TMEM156: variants seen among roughly 807,000 people sequenced by gnomAD.
The protein encoded by TMEM156 is transmembrane protein 156.
A neutral mutation model predicts 30.5 loss-of-function variants in TMEM156; 28 were observed. The observed-to-expected ratio is 0.92, with a 90% confidence interval of 0.68 to 1.26. The LOEUF (loss-of-function observed/expected upper bound fraction) is 1.26. TMEM156 is among the 50% of genes most tolerant of loss of function. TMEM156 has a pLI of 0.00. For missense variants in TMEM156, 351 were observed against 340.6 expected (o/e 1.03, Z -0.24); for synonymous variants, 137 against 119.9 (o/e 1.14, Z -0.93).
rs1444418204 is a variant in TMEM156, at chr4:39,029,468, T to C, written c.88+2758A>G. Among the ~76,000 whole-genome samples, 8 of 70,600 alleles carry C rather than the reference T, an allele frequency of 1.1e-4. 2 individuals carry two copies. In the Admixed American group the frequency reaches 1.2e-3, roughly 11 times the overall value. 46.3% of individuals were successfully genotyped at this position (70,600 alleles called of 152,430 possible). Reference sequence around the variant, plus strand: ...CTATTATTGTGATTAAGAACTAATTTTTTTGGGAGGCCGAGGCGGGCGGAT... The same window carrying C: ...CTATTATTGTGATTAAGAACTAATTCTTTTGGGAGGCCGAGGCGGGCGGAT... On this transcript the variant is annotated intron_variant, in intron 1 of 6. Transcript: ENST00000381938.
intron 1 of TMEM156, among the ~76,000 whole-genome samples, chr4:39,021,848 T>C (rs1382188632): frequency 6.6e-6 from 1 of 152,244 alleles, no homozygotes; most frequent in Non-Finnish European, 1.5e-5. Context: ...CTTCTGTGCT[T>C]ACTCATACTT....
chr4:39,011,287 A>G (rs1271688716), intron 1 of TMEM156, among the ~76,000 whole-genome samples: 2 of 152,250 alleles, frequency 1.3e-5, no homozygotes, highest in African/African-American at 4.8e-5. Flanking sequence ...GGAAGTTTAT[A>G]TGCTGTTAGT....
At chr4:38,979,253 T>C (rs2109884949) in intron 5 of TMEM156, among the ~76,000 whole-genome samples, 1 of 152,344 alleles carries the variant, frequency 6.6e-6, no homozygotes, top group East Asian at 1.9e-4. Context: ...CTGTGCAGCC[T>C]TGTGGGCAGC....
Position 38,974,570 on chromosome 4 carries a change from C to A in TMEM156, c.824-3433G>T, listed in dbSNP as rs572938653. Reference sequence around the variant, plus strand: ...AGGACAATTAACACATTTTCTATTTCTTCCATGACAATTTAGATTTTCTAA... The same window carrying A: ...AGGACAATTAACACATTTTCTATTTATTCCATGACAATTTAGATTTTCTAA... On this transcript the variant is annotated intron_variant, in intron 5 of 6. Coordinates refer to ENST00000381938, the MANE Select transcript of TMEM156 (RefSeq NM_024943.3). 5.9e-5 allele frequency among the ~76,000 whole-genome samples: 9 copies of A among 152,136 alleles called. No homozygotes were observed. The South Asian group carries it at 1.9e-3, about 32-fold the overall frequency.
At chr4:38,994,873 C>A (rs11096968) in intron 2 of TMEM156, among the ~76,000 whole-genome samples, 2 of 151,670 alleles carry the variant, frequency 1.3e-5, no homozygotes, top group African/African-American at 4.8e-5. Context: ...GGGAGGCAGA[C>A]GTTGCAGTGG....
intron 1 of TMEM156, among the ~76,000 whole-genome samples, chr4:39,006,742 C>T (rs1185951231): frequency 6.6e-6 from 1 of 151,830 alleles, no homozygotes; most frequent in Admixed American, 6.6e-5. Flanking sequence ...CGTGGCAAAA[C>T]CCCATCTCTA....
rs554926680 is a variant in TMEM156, at chr4:38,986,504, C to A, written c.740-85G>T. The A allele has an allele frequency of 5.7e-6, 6 of 1,056,658 alleles. No individual in the cohort carries two copies. In the Admixed American group the frequency reaches 9.6e-5, roughly 17 times the overall value. 65.5% of individuals were successfully genotyped at this position (1,056,658 alleles called of 1,614,324 possible). ...TTCCCCATGTTGGTTCAAAGGATTA[C>A]CAAAAAGAATGGAGCCATTCATGGC... On this transcript the variant is annotated intron_variant, in intron 4 of 6. Coordinates refer to ENST00000381938, the MANE Select transcript of TMEM156 (RefSeq NM_024943.3).
intron 1 of TMEM156, among the ~76,000 whole-genome samples, chr4:39,010,593 G>A (rs955283857): frequency 4.6e-5 from 7 of 152,122 alleles, no homozygotes; most frequent in African/African-American, 1.7e-4. Context: ...CAACAGAATA[G>A]AGACCCCTGA....
intron 1 of TMEM156, among the ~76,000 whole-genome samples, chr4:39,015,427 C>T (rs1714410308): frequency 6.6e-6 from 1 of 152,116 alleles, no homozygotes; most frequent in African/African-American, 2.4e-5. Context: ...ATGAGAAAGA[C>T]TCAGCAGGCC....
At chr4:39,013,925 A>C (rs1714300928) in intron 1 of TMEM156, among the ~76,000 whole-genome samples, 1 of 152,274 alleles carries the variant, frequency 6.6e-6, no homozygotes, top group Non-Finnish European at 1.5e-5. Flanking sequence ...AGTTTCTATA[A>C]GGGGTCATTT....
intron 1 of TMEM156, among the ~76,000 whole-genome samples, chr4:39,011,143 A>C (rs1406901334): frequency 6.6e-6 from 1 of 152,250 alleles, no homozygotes; most frequent in Admixed American, 6.5e-5. Context: ...CAGCCAACAA[A>C]TATATTAAAA....
chr4:38,990,996 G>T (rs1712414357), intron 3 of TMEM156, among the ~76,000 whole-genome samples: 3 of 150,966 alleles, frequency 2.0e-5, no homozygotes, highest in Admixed American at 1.3e-4. Context: ...ACCATGCCCG[G>T]CTAATTTTTT....
At chr4:39,009,678 C>T (rs1278536760) in intron 1 of TMEM156, among the ~76,000 whole-genome samples, 1 of 152,076 alleles carries the variant, frequency 6.6e-6, no homozygotes, top group East Asian at 1.9e-4. Flanking sequence ...GCAGAAAAAG[C>T]ATTCAATAAA....
intron 2 of TMEM156, among the ~76,000 whole-genome samples, chr4:38,995,279 G>A (rs974853468): frequency 6.6e-6 from 1 of 152,136 alleles, no homozygotes; most frequent in South Asian, 2.1e-4. Flanking sequence ...CTGAGGTATC[G>A]AGGGTTAGGA....
At chr4:39,008,639 G>A (rs1390545099) in intron 1 of TMEM156, among the ~76,000 whole-genome samples, 1 of 152,042 alleles carries the variant, frequency 6.6e-6, no homozygotes, top group Non-Finnish European at 1.5e-5. Flanking sequence ...ATACCAAGAG[G>A]CACTCTTAAA....
intron 1 of TMEM156, among the ~76,000 whole-genome samples, chr4:39,029,202 G>C (rs551084791): frequency 2.6e-5 from 4 of 151,482 alleles, no homozygotes; most frequent in Admixed American, 2.0e-4. Flanking sequence ...TTAAAGACAG[G>C]GTATCAGTGA....
chr4:39,013,695 C>A (rs569975684), intron 1 of TMEM156, among the ~76,000 whole-genome samples: 37 of 151,932 alleles, frequency 2.4e-4, no homozygotes, highest in African/African-American at 8.0e-4. Context: ...CCATCGCGCC[C>A]GGCCAATTGT....
At chr4:39,022,232 T>G (rs1714916270) in intron 1 of TMEM156, among the ~76,000 whole-genome samples, 1 of 152,220 alleles carries the variant, frequency 6.6e-6, no homozygotes, top group African/African-American at 2.4e-5. Context: ...TTATAAACTC[T>G]CAAAGGACTC....
At chr4:39,029,109 G>T (rs940839124) in intron 1 of TMEM156, among the ~76,000 whole-genome samples, 5 of 152,028 alleles carry the variant, frequency 3.3e-5, no homozygotes, top group African/African-American at 1.2e-4. Context: ...ACTTCAGAGG[G>T]CTTATTATTT....
Sources: allele counts gnomAD v4.1 joint callset (sites outside exome capture counted in the v4.1 genomes callset), GRCh38; gene constraint gnomAD v4.1.1; transcripts MANE v1.5; gene names NCBI Gene and HGNC (gene_info 2026-07-23, HGNC 2026-07-21).